The following DLGAP2 variants were observed in gnomAD, a reference collection of about 807,000 sequenced individuals.
DLGAP2 encodes the protein DLG associated protein 2, also known as disks large-associated protein 2.
Under a neutral mutation model 100.3 loss-of-function variants are expected in DLGAP2, and 26 were observed. The ratio of observed to expected loss-of-function variants is 0.26; its 90% CI spans 0.19 to 0.36. DLGAP2 has a LOEUF of 0.36. DLGAP2 is among the 10% of genes least tolerant of loss of function. The pLI is 1.00. For synonymous variants in DLGAP2, 886 were observed against 630.1 expected (o/e 1.41, Z -6.08); for missense variants, 1,858 against 1,453.2 (o/e 1.28, Z -4.53).
chr8:1,134,754 GC>G (rs1391639820), intron 2 of DLGAP2, among the ~76,000 whole-genome samples: 1 of 152,126 alleles, frequency 6.6e-6, no homozygotes, highest in Non-Finnish European at 1.5e-5. Flanking sequence ...GGAGAAGCAG[GC>G]CCATATTACG....
intron 3 of DLGAP2, among the ~76,000 whole-genome samples, chr8:1,438,756 A>G (rs1454575347): frequency 2.6e-5 from 4 of 152,214 alleles, no homozygotes; most frequent in Non-Finnish European, 5.9e-5. Context: ...CGAAATTCTT[A>G]GAATGGAGGC....
chr8:1,546,284 T>A (rs535538261), intron 4 of DLGAP2, among the ~76,000 whole-genome samples: 2 of 152,288 alleles, frequency 1.3e-5, no homozygotes, highest in African/African-American at 4.8e-5. Context: ...CTGTTTACTG[T>A]GAGAATATGC....
chr8:1,225,976 GAT>G (rs1798406130), intron 2 of DLGAP2, among the ~76,000 whole-genome samples: 1 of 151,730 alleles, frequency 6.6e-6, no homozygotes, highest in Non-Finnish European at 1.5e-5. Context: ...ATTTTAGAAA[GAT>G]ATTTTTACAA....
chr8:974,884 A>T (rs1420333622), intron 2 of DLGAP2, among the ~76,000 whole-genome samples: 1 of 152,178 alleles, frequency 6.6e-6, no homozygotes, highest in Non-Finnish European at 1.5e-5. Context: ...AAGAAAAGAA[A>T]TACTATGAAT....
At chr8:1,108,964 G>A (rs570084053) in intron 2 of DLGAP2, among the ~76,000 whole-genome samples, 34 of 140,638 alleles carry the variant, frequency 2.4e-4, no homozygotes, top group African/African-American at 8.9e-4. Flanking sequence ...GGGTCTGTGA[G>A]GTGTGTACGG....
chr8:1,015,368 CTG>C (rs1250153141), intron 2 of DLGAP2, among the ~76,000 whole-genome samples: 1 of 464 alleles, frequency 2.2e-3, no homozygotes, highest in East Asian at 6.5e-3. Context: ...GATGCCTCCA[CTG>C]TGTGTGTGAC....
chr8:930,871 A>C (rs552452145), intron 2 of DLGAP2, among the ~76,000 whole-genome samples: 14 of 152,192 alleles, frequency 9.2e-5, no homozygotes, highest in South Asian at 6.2e-4. Flanking sequence ...CGCCTTGCTC[A>C]TGGAAATCCC....
chr8:1,306,352 A>C (rs998783200), intron 3 of DLGAP2, among the ~76,000 whole-genome samples: 5 of 152,126 alleles, frequency 3.3e-5, no homozygotes, highest in Admixed American at 2.0e-4. Context: ...TGTCAAAAAA[A>C]CCCAAAATTC....
chr8:1,195,084 C>T (rs1797722725), intron 2 of DLGAP2, among the ~76,000 whole-genome samples: 1 of 152,256 alleles, frequency 6.6e-6, no homozygotes, highest in Non-Finnish European at 1.5e-5. Flanking sequence ...CAAGCTCTTT[C>T]CAGGCCCCCG....
At chr8:1,523,330 A>C (rs1007638083) in intron 4 of DLGAP2, among the ~76,000 whole-genome samples, 6 of 152,232 alleles carry the variant, frequency 3.9e-5, no homozygotes, top group Admixed American at 1.3e-4. Context: ...GAACAGCGTC[A>C]CGGGGTCACC....
intron 3 of DLGAP2, among the ~76,000 whole-genome samples, chr8:1,463,677 G>T (rs1798525702): frequency 6.6e-6 from 1 of 152,226 alleles, no homozygotes; most frequent in African/African-American, 2.4e-5. Context: ...GCATTTCCCA[G>T]CAAGCATTCG....
chr8:1,445,331 C>A (rs1283837968), intron 3 of DLGAP2, among the ~76,000 whole-genome samples: 1 of 147,024 alleles, frequency 6.8e-6, no homozygotes, highest in Non-Finnish European at 1.5e-5. Flanking sequence ...TGAGTGAGAA[C>A]ATGCAGTGTT....
At position 1,181,405 on chromosome 8, in the gene DLGAP2, C is replaced by A. The variant is rs149566354; in HGVS notation, c.74-77446C>A. 5.3e-5 allele frequency among the ~76,000 whole-genome samples: 8 copies of A among 152,242 alleles called. No individual in the cohort carries two copies. The East Asian group carries it at 1.6e-3, about 30-fold the overall frequency. On this transcript the variant is annotated intron_variant, in intron 2 of 14. Coordinates refer to ENST00000637795, the MANE Select transcript of DLGAP2 (RefSeq NM_001346810.2). The stretch of plus-strand genomic sequence containing the variant: ...GTTAGATTGCTAAGGATAATGGCCT[C>A]CAGCTCCATCCATGTTCCTGCAGGG...
chr8:821,598 C>T (rs938538715), intron 1 of DLGAP2, among the ~76,000 whole-genome samples: 2 of 152,104 alleles, frequency 1.3e-5, no homozygotes, highest in East Asian at 1.9e-4. Context: ...GCATTTTTGT[C>T]TCCTGGAAAG....
intron 3 of DLGAP2, among the ~76,000 whole-genome samples, chr8:1,342,459 C>T (rs775170117): frequency 8.5e-5 from 13 of 152,090 alleles, no homozygotes; most frequent in East Asian, 1.9e-4. Context: ...TGAATGGTAC[C>T]GAGCACAGTT....
chr8:1,234,313 C>T (rs986947548), intron 2 of DLGAP2, among the ~76,000 whole-genome samples: 1 of 152,170 alleles, frequency 6.6e-6, no homozygotes. Flanking sequence ...TGTCTGCAGG[C>T]TGCTTTCTTC....
At chr8:1,071,384 C>G (rs1179918451) in intron 2 of DLGAP2, among the ~76,000 whole-genome samples, 1 of 152,190 alleles carries the variant, frequency 6.6e-6, no homozygotes, top group Non-Finnish European at 1.5e-5. Context: ...ACTCCCCTCC[C>G]TCCTCCAGCA....
Position 1,673,942 on chromosome 8 carries a change from G to A in DLGAP2, c.2203-2591G>A, listed in dbSNP as rs189525191. Among the ~76,000 whole-genome samples, 28 of 152,328 alleles carry A rather than the reference G, an allele frequency of 1.8e-4. No homozygotes were observed. The East Asian group carries it at 4.6e-3, about 25-fold the overall frequency. ...ATGGTACACAAACATGCCTGTGACT[G>A]CGAGTGTCTCTATGCTTGTGCATGC... On this transcript the variant is annotated intron_variant, in intron 10 of 14. Transcript: ENST00000637795.
chr8:1,137,408 T>C (rs1353330627), intron 2 of DLGAP2: 1 of 152,656 alleles, frequency 6.6e-6, no homozygotes, highest in Non-Finnish European at 1.5e-5. Context: ...CCCGAGCTGA[T>C]GTCCCGCTAT....
Sources: allele counts gnomAD v4.1 joint callset (sites outside exome capture counted in the v4.1 genomes callset), GRCh38; gene constraint gnomAD v4.1.1; transcripts MANE v1.5; gene names NCBI Gene and HGNC (gene_info 2026-07-23, HGNC 2026-07-21).